The following CCDC81 variants were observed in gnomAD, a reference collection of about 807,000 sequenced individuals.
CCDC81 encodes the protein coiled-coil domain-containing protein 81.
In CCDC81, 79 loss-of-function variants were observed where a neutral mutation model predicts 83.7. That is an observed-to-expected ratio of 0.94 (90% CI 0.79 to 1.14). The LOEUF (loss-of-function observed/expected upper bound fraction) is 1.14, where lower values mean the gene tolerates loss of function less well. CCDC81 is among the 50% of genes most tolerant of loss of function. CCDC81 has a pLI of 0.00. For missense variants in CCDC81, 791 were observed against 778.1 expected (o/e 1.02, Z -0.20); for synonymous variants, 252 against 278.1 (o/e 0.91, Z 0.93).
chr11:86,412,787 C>T (rs934674485), intron 11 of CCDC81, among the ~76,000 whole-genome samples: 1 of 152,162 alleles, frequency 6.6e-6, no homozygotes, highest in African/African-American at 2.4e-5. Context: ...CTGCTCAAAC[C>T]TCTAGGAGAG....
intron 1 of CCDC81, 94 bp downstream of exon 1, chr11:86,375,336 T>C: frequency 8.8e-7 from 1 of 1,140,120 alleles, no homozygotes; most frequent in Non-Finnish European, 1.3e-6. Context: ...ATTCCCTGGC[T>C]CAGGCCTGGC....
At chr11:86,413,601 T>A (rs1948675245) in intron 11 of CCDC81, among the ~76,000 whole-genome samples, 1 of 152,242 alleles carries the variant, frequency 6.6e-6, no homozygotes, top group African/African-American at 2.4e-5. Flanking sequence ...ATGGTAGTGA[T>A]GGTCAATCTG....
intron 7 of CCDC81, among the ~76,000 whole-genome samples, chr11:86,402,955 C>T (rs561620522): frequency 1.3e-5 from 2 of 151,834 alleles, no homozygotes; most frequent in South Asian, 4.2e-4. Context: ...TTTCCTGCCT[C>T]AGACCCCGAG....
chr11:86,392,505 T>G (rs1442079076), intron 3 of CCDC81, 36 bp from the exon 4 acceptor site: 1 of 1,542,958 alleles, frequency 6.5e-7, no homozygotes, highest in Middle Eastern at 1.7e-4. Flanking sequence ...AATCACCACT[T>G]TCTTTCTCCC....
At chr11:86,400,580 A>C in intron 6 of CCDC81, 98 bp from the exon 7 acceptor site, 1 of 1,174,094 alleles carries the variant, frequency 8.5e-7, no homozygotes, top group Non-Finnish European at 1.2e-6. Context: ...AAGATAAGAG[A>C]GTGTATCTTA....
At chr11:86,380,723 C>A (rs528379811) in intron 1 of CCDC81, among the ~76,000 whole-genome samples, 59 of 152,246 alleles carry the variant, frequency 3.9e-4, no homozygotes, top group Admixed American at 9.2e-4. Context: ...CACTAGTAAG[C>A]CTATCAAAGG....
chr11:86,415,307 A>C lies in CCDC81; in HGVS notation c.1685A>C (p.Gln562Pro). The C allele has an allele frequency of 6.2e-7, 1 of 1,613,092 alleles. No homozygotes were observed. The highest frequency in any genetic ancestry group is 8.5e-7 in the Non-Finnish European group (1 of 1,179,342). ...GATTTGCAAATGCTTCAGAGGACACAAAGAGAGTAAGGAGACCCCTGATCT... is the reference window on the plus strand; with the variant it reads ...GATTTGCAAATGCTTCAGAGGACACCAAGAGAGTAAGGAGACCCCTGATCT... The part of the protein sequence containing the change: ...RRDLQMLQRT[Q>P]REHLADRTAE... Residue 562 changes from glutamine (Q) to proline (P), a missense_variant, in exon 13 of 15, where the codon CAA becomes CCA. Coordinates refer to ENST00000445632, the MANE Select transcript of CCDC81 (RefSeq NM_001156474.2).
At chr11:86,381,929 T>C (rs1948182260) in intron 1 of CCDC81, among the ~76,000 whole-genome samples, 1 of 151,988 alleles carries the variant, frequency 6.6e-6, no homozygotes, top group South Asian at 2.1e-4. Flanking sequence ...TGGAAGTGAG[T>C]TGAAAATGAT....
At chr11:86,375,323 C>G (rs1948085141) in intron 1 of CCDC81, 81 bp downstream of exon 1, 4 of 1,264,066 alleles carry the variant, frequency 3.2e-6, no homozygotes, top group Non-Finnish European at 4.5e-6. Context: ...GACCCACTTC[C>G]CAATTCCCTG....
intron 1 of CCDC81, among the ~76,000 whole-genome samples, chr11:86,381,627 T>A (rs1448629978): frequency 6.6e-6 from 1 of 152,182 alleles, no homozygotes; most frequent in South Asian, 2.1e-4. Flanking sequence ...CTCCTGGTAT[T>A]TGCCTTTCTG....
intron 1 of CCDC81, among the ~76,000 whole-genome samples, chr11:86,380,443 A>G (rs1462172328): frequency 1.3e-5 from 2 of 151,824 alleles, no homozygotes; most frequent in African/African-American, 4.8e-5. Context: ...TTTTTTGGGT[A>G]TTTATCCAGC....
intron 1 of CCDC81, among the ~76,000 whole-genome samples, chr11:86,375,692 C>G (rs939237897): frequency 5.9e-5 from 9 of 152,220 alleles, no homozygotes; most frequent in African/African-American, 2.2e-4. Flanking sequence ...TCATAAAAAG[C>G]TACAGGGTAA....
intron 1 of CCDC81, among the ~76,000 whole-genome samples, chr11:86,384,026 G>T (rs1050334351): frequency 3.3e-5 from 5 of 152,152 alleles, no homozygotes; most frequent in South Asian, 2.1e-4. Flanking sequence ...TTTTCACTGG[G>T]GTTTGGTTGC....
intron 13 of CCDC81, chr11:86,419,146 C>T (rs1948757382): frequency 1.3e-5 from 2 of 152,178 alleles, no homozygotes; most frequent in Non-Finnish European, 2.9e-5. Flanking sequence ...AACACAAAGC[C>T]CTTCAGAGCA....
intron 2 of CCDC81, 100 bp downstream of exon 2, chr11:86,386,212 T>C (rs1398265280): frequency 2.8e-6 from 1 of 355,684 alleles, no homozygotes; most frequent in African/African-American, 2.2e-5. Flanking sequence ...ATAATGTTGC[T>C]GGGAGCAGGG....
Position 86,419,951 on chromosome 11 carries a change from A to G in CCDC81, c.1715A>G (p.Glu572Gly). Residue 572 changes from glutamate (E) to glycine (G), a missense_variant, in exon 14 of 15, where the codon GAG becomes GGG. Physicochemically the swap from Glu to Gly is moderately conservative, Grantham distance 98. Transcript: ENST00000445632. ...AGGCACTTGGCAGACAGAACCGCTG[A>G]GCTGGAGCGAGTAAATAGAGTCAAC... is the stretch of plus-strand genomic sequence containing the variant. ...QREHLADRTA[E>G]LERVNRVNQC... 6.2e-7 allele frequency: 1 copy of G among 1,613,712 alleles called. No homozygotes were observed. Among genetic ancestry groups the G allele is most frequent in the Non-Finnish European group, 8.5e-7 (1 of 1,179,818 alleles).
chr11:86,389,358 T>A (rs1200241526), intron 3 of CCDC81, among the ~76,000 whole-genome samples: 2 of 152,174 alleles, frequency 1.3e-5, no homozygotes, highest in African/African-American at 4.8e-5. Context: ...ATTAACTAGG[T>A]AACTGTATTA....
intron 4 of CCDC81, chr11:86,395,059 A>G: frequency 3.8e-6 from 1 of 261,362 alleles, no homozygotes; most frequent in South Asian, 1.0e-4. Context: ...AAAGACATCT[A>G]AAAGAATCTG....
Position 86,375,213 on chromosome 11 carries a change from T to C in CCDC81, c.50T>C (p.Leu17Pro). 1 of 1,612,412 alleles carries C rather than the reference T, an allele frequency of 6.2e-7. No homozygotes were observed. The change falls in exon 1 of 15, where the codon CTG becomes CCG. Residue 17 changes from leucine (L) to proline (P), a missense_variant. By Grantham distance (98) the Leu-to-Pro change is moderately conservative. Transcript: ENST00000445632. ...RALQDLGRQV[L>P]PTLPSLSQEE... ...CTGCAGGACCTGGGCAGGCAGGTGC[T>C]GCCCACTCTGCCCTCGCTGAGCCAG...
Sources: allele counts gnomAD v4.1 joint callset (sites outside exome capture counted in the v4.1 genomes callset), GRCh38; gene constraint gnomAD v4.1.1; transcripts MANE v1.5; gene names NCBI Gene and HGNC (gene_info 2026-07-23, HGNC 2026-07-21).